The following SPOP variants were observed in gnomAD, a reference collection of about 807,000 sequenced individuals.
SPOP encodes the protein speckle type BTB/POZ protein, also known as speckle-type POZ protein.
A neutral mutation model predicts 45.6 loss-of-function variants in SPOP; 11 were observed. The observed-to-expected ratio is 0.24, with a 90% CI of 0.15 to 0.40. The LOEUF (loss-of-function observed/expected upper bound fraction) is 0.40, where lower values mean the gene tolerates loss of function less well. SPOP is among the 10% of genes least tolerant of loss of function. The pLI is 1.00. For missense variants in SPOP, 152 were observed against 465.6 expected, an observed-to-expected ratio of 0.33 and a Z score of 6.20; for synonymous variants, 166 against 166.3, an observed-to-expected ratio of 1.00 and a Z score of 0.01.
chr17:49,614,610 C>A (rs2072042522), intron 5 of SPOP, among the ~76,000 whole-genome samples: 1 of 152,122 alleles, frequency 6.6e-6, no homozygotes, highest in African/African-American at 2.4e-5. Flanking sequence ...AGTATATTCT[C>A]ATGCTTTATA....
Position 49,625,351 on chromosome 17 carries a change from G to A in SPOP, c.-66-2475C>T, listed in dbSNP as rs143733363. The stretch of plus-strand genomic sequence containing the variant: ...AGGCTGGACACGGTGGCTCACGCCT[G>A]TAATCCCAGCACTTTGGGAGGCTGA... On this transcript the variant is annotated intron_variant, in intron 1 of 9. Coordinates refer to ENST00000504102, the MANE Select transcript of SPOP (RefSeq NM_001007228.2). Among the ~76,000 whole-genome samples, 1,247 of 152,320 alleles carry A rather than the reference G, an allele frequency of 8.2e-3. 23 individuals carry two copies. Among genetic ancestry groups the A allele is most frequent in the East Asian group, 0.077 (400 of 5,188 alleles).
At chr17:49,652,370 A>G (rs1351278852) in intron 1 of SPOP, among the ~76,000 whole-genome samples, 2 of 152,210 alleles carry the variant, frequency 1.3e-5, no homozygotes, top group Admixed American at 1.3e-4. Context: ...AACTGAAGTC[A>G]ATCAACCATA....
chr17:49,647,313 T>TAA (rs1156781114), intron 1 of SPOP, among the ~76,000 whole-genome samples: 522 of 43,126 alleles, frequency 0.012, 13 homozygotes, highest in African/African-American at 0.021. Context: ...GATGCCGTCT[T>TAA]AAAAAAAAAA....
chr17:49,600,594 G>C lies in SPOP; in HGVS notation c.981-72C>G. 1.9e-6 allele frequency: 3 copies of C among 1,563,154 alleles called. No homozygotes were observed. In the South Asian group the frequency reaches 3.4e-5, roughly 18 times the overall value. On this transcript the variant is annotated intron_variant, in intron 9 of 9. Transcript: ENST00000504102. This position sits in a 1 kb window ranked among gnomAD's most constrained non-coding sequence, Gnocchi z 4.2. ...GATGAATTCAACAGCCACCTAGATA[G>C]CCTAATTTTCCACTGTTAGGTATAA... is the stretch of plus-strand genomic sequence containing the variant.
intron 1 of SPOP, among the ~76,000 whole-genome samples, chr17:49,624,363 ACG>A (rs1491011967): frequency 6.8e-6 from 1 of 147,836 alleles, no homozygotes; most frequent in East Asian, 2.0e-4. Flanking sequence ...ACACACACAC[ACG>A]GTAACTGTCA....
intron 1 of SPOP, among the ~76,000 whole-genome samples, chr17:49,665,649 G>GACAGAC (rs2073046095): frequency 7.9e-6 from 1 of 126,722 alleles, no homozygotes; most frequent in Non-Finnish European, 1.6e-5. Flanking sequence ...TATATATACA[G>GACAGAC]ACACACACAC....
intron 1 of SPOP, among the ~76,000 whole-genome samples, chr17:49,646,928 G>A (rs2072767743): frequency 6.6e-6 from 1 of 152,076 alleles, no homozygotes; most frequent in Non-Finnish European, 1.5e-5. Context: ...AAAAATACCT[G>A]AGAAAGATAC....
At chr17:49,666,197 T>C (rs2073055665) in intron 1 of SPOP, among the ~76,000 whole-genome samples, 1 of 151,924 alleles carries the variant, frequency 6.6e-6, no homozygotes, top group Non-Finnish European at 1.5e-5. Flanking sequence ...AGAAAAGTTG[T>C]AGGGAACAGA....
At chr17:49,677,596 C>T (rs1327773330) in intron 1 of SPOP, among the ~76,000 whole-genome samples, 1 of 151,960 alleles carries the variant, frequency 6.6e-6, no homozygotes, top group Non-Finnish European at 1.5e-5. Flanking sequence ...AGAAGCAGCC[C>T]GAGCGCGTTC....
chr17:49,603,544 C>G (rs537192321), intron 8 of SPOP, among the ~76,000 whole-genome samples: 8 of 152,298 alleles, frequency 5.3e-5, no homozygotes, highest in African/African-American at 1.7e-4. Flanking sequence ...CCAGGCCTAG[C>G]CCAACGAGTT....
chr17:49,616,782 G>C (rs952368802), intron 5 of SPOP, among the ~76,000 whole-genome samples: 3 of 152,350 alleles, frequency 2.0e-5, no homozygotes, highest in Admixed American at 1.3e-4. Context: ...GAGAGGAACA[G>C]ATGGCACACC....
chr17:49,674,023 G>A (rs140197915), intron 1 of SPOP, among the ~76,000 whole-genome samples: 7 of 152,216 alleles, frequency 4.6e-5, no homozygotes, highest in African/African-American at 1.4e-4. Flanking sequence ...TTGCATGCCT[G>A]TAATCCCAGC....
chr17:49,657,117 G>A (rs184067490), intron 1 of SPOP, among the ~76,000 whole-genome samples: 3 of 151,872 alleles, frequency 2.0e-5, no homozygotes, highest in African/African-American at 7.2e-5. Flanking sequence ...CCTGGGAGGC[G>A]GAGCTTGCAG....
At chr17:49,629,208 C>T (rs1033387683) in intron 1 of SPOP, among the ~76,000 whole-genome samples, 1 of 151,930 alleles carries the variant, frequency 6.6e-6, no homozygotes, top group Non-Finnish European at 1.5e-5. Flanking sequence ...TGCCACTGCA[C>T]TCCAGCCTGC....
chr17:49,620,492 A>C (rs2072200864), intron 3 of SPOP: 1 of 151,714 alleles, frequency 6.6e-6, no homozygotes, highest in Admixed American at 6.6e-5. Flanking sequence ...AAAAAGTGTG[A>C]ATAATCTTTT....
At chr17:49,663,797 T>C (rs2073018490) in intron 1 of SPOP, among the ~76,000 whole-genome samples, 1 of 152,190 alleles carries the variant, frequency 6.6e-6, no homozygotes, top group African/African-American at 2.4e-5. Flanking sequence ...ATGGAGTCTG[T>C]CACTTTGAGG....
intron 6 of SPOP, among the ~76,000 whole-genome samples, chr17:49,608,158 T>G (rs1164646007): frequency 6.6e-6 from 1 of 152,222 alleles, no homozygotes; most frequent in African/African-American, 2.4e-5. Flanking sequence ...CAAAATAACT[T>G]ATCGGCTCTA....
At chr17:49,655,888 G>A (rs564687040) in intron 1 of SPOP, among the ~76,000 whole-genome samples, 4 of 152,226 alleles carry the variant, frequency 2.6e-5, no homozygotes, top group Admixed American at 6.5e-5. Flanking sequence ...TTGGCTCACC[G>A]CAACCTCCAC....
chr17:49,670,192 G>A (rs2073119790), intron 1 of SPOP, among the ~76,000 whole-genome samples: 1 of 152,176 alleles, frequency 6.6e-6, no homozygotes. Context: ...ATAATTGGAA[G>A]AATGACAGCC....
Sources: allele counts gnomAD v4.1 joint callset (sites outside exome capture counted in the v4.1 genomes callset), GRCh38; gene constraint gnomAD v4.1.1; non-coding constraint Gnocchi (gnomAD v3.1); transcripts MANE v1.5; gene names NCBI Gene and HGNC (gene_info 2026-07-23, HGNC 2026-07-21).